ITSN1: variants seen among roughly 807,000 people sequenced by gnomAD.
The protein encoded by ITSN1 is intersectin 1.
Under a neutral mutation model 239.8 loss-of-function variants are expected in ITSN1, and 58 were observed. That is an observed-to-expected ratio of 0.24 (90% confidence interval 0.20 to 0.30). ITSN1 has a LOEUF of 0.30. Ranked by LOEUF, ITSN1 falls within the 10% of genes least tolerant of loss-of-function variation. The probability of loss-of-function intolerance (pLI) is 1.00; values close to 1 mark genes in which losing one functional copy is unlikely to be tolerated. For missense variants in ITSN1, 1,558 were observed against 2,103.3 expected (o/e 0.74, Z 5.07); for synonymous variants, 780 against 770.8 (o/e 1.01, Z -0.20).
chr21:33,647,578 C>T (rs1270028464), intron 1 of ITSN1, among the ~76,000 whole-genome samples: 1 of 152,122 alleles, frequency 6.6e-6, no homozygotes, highest in African/African-American at 2.4e-5. Context: ...TCACTGCAAC[C>T]TACGCTTCCC....
At chr21:33,794,733 G>A (rs964638333) in intron 17 of ITSN1, among the ~76,000 whole-genome samples, 3 of 152,156 alleles carry the variant, frequency 2.0e-5, no homozygotes, top group African/African-American at 2.4e-5. Context: ...TGGGACACTT[G>A]GTGTGCTCAT....
At chr21:33,845,169 G>A (rs549820803) in intron 29 of ITSN1, among the ~76,000 whole-genome samples, 2 of 152,180 alleles carry the variant, frequency 1.3e-5, no homozygotes, top group African/African-American at 4.8e-5. Flanking sequence ...AGTGAAGGAT[G>A]GGGTGGCACA....
rs1173862655 is a variant in ITSN1, at chr21:33,838,864, G to A, written c.3661+2232G>A. On this transcript the variant is annotated intron_variant, in intron 29 of 39. Transcript: ENST00000381318. ...ATTTGTCCAAAAGATGTATCGTAAT[G>A]TACTGGTGAACACCCCCAAAATTAT... is the stretch of plus-strand genomic sequence containing the variant. Among the ~76,000 whole-genome samples the A allele has an allele frequency of 2.6e-5, 4 of 152,188 alleles. No homozygotes were observed. The South Asian group carries it at 6.2e-4, about 24-fold the overall frequency.
intron 1 of ITSN1, among the ~76,000 whole-genome samples, chr21:33,685,644 T>A (rs2091203477): frequency 2.6e-5 from 4 of 151,986 alleles, no homozygotes; most frequent in Admixed American, 2.6e-4. Context: ...AAAAATTCTC[T>A]TTTTTTAGTA....
At chr21:33,674,744 C>CT (rs535233393) in intron 1 of ITSN1, among the ~76,000 whole-genome samples, 2 of 151,828 alleles carry the variant, frequency 1.3e-5, no homozygotes, top group South Asian at 2.1e-4. Flanking sequence ...TTTATTTTAC[C>CT]TTTTTTATTA....
At chr21:33,872,310 A>T (rs1982882201) in intron 33 of ITSN1, among the ~76,000 whole-genome samples, 1 of 152,242 alleles carries the variant, frequency 6.6e-6, no homozygotes, top group Non-Finnish European at 1.5e-5. Context: ...TGGAAGCAAC[A>T]TAAAGTTTTA....
intron 39 of ITSN1, 32 bp from the exon 40 acceptor site, chr21:33,888,120 C>T: frequency 7.5e-7 from 1 of 1,341,764 alleles, no homozygotes; most frequent in Non-Finnish European, 1.0e-6. Flanking sequence ...GGAATGGTCC[C>T]TCTTAGGAGG....
intron 5 of ITSN1, among the ~76,000 whole-genome samples, chr21:33,741,894 CAAAAAA>C (rs57036929): frequency 4.0e-4 from 30 of 74,142 alleles, no homozygotes; most frequent in Non-Finnish European, 3.5e-4. Flanking sequence ...GATTCCGTCT[CAAAAAA>C]AAAAAAAAAA....
chr21:33,708,896 CTTTG>C (rs1390434662), intron 1 of ITSN1, among the ~76,000 whole-genome samples: 5 of 152,180 alleles, frequency 3.3e-5, no homozygotes, highest in Admixed American at 1.3e-4. Flanking sequence ...AGTTGATCCA[CTTTG>C]TTTGTTGAAA....
intron 16 of ITSN1, among the ~76,000 whole-genome samples, chr21:33,788,921 C>A (rs1243498505): frequency 2.6e-5 from 4 of 152,116 alleles, no homozygotes; most frequent in Non-Finnish European, 4.4e-5. Context: ...CGCTGTACTC[C>A]AGCCTGGACA....
At chr21:33,753,438 AT>A (rs1238490035) in intron 7 of ITSN1, among the ~76,000 whole-genome samples, 1 of 152,044 alleles carries the variant, frequency 6.6e-6, no homozygotes, top group Non-Finnish European at 1.5e-5. Context: ...AGTTAAACCT[AT>A]ATCATCTTAC....
intron 22 of ITSN1, among the ~76,000 whole-genome samples, chr21:33,816,509 A>G (rs1475767702): frequency 3.3e-5 from 5 of 152,222 alleles, no homozygotes; most frequent in Admixed American, 3.3e-4. Context: ...TGCCAAAGCC[A>G]GAAAATTAGT....
intron 1 of ITSN1, among the ~76,000 whole-genome samples, chr21:33,697,717 A>T (rs762101375): frequency 1.3e-5 from 2 of 151,916 alleles, no homozygotes; most frequent in Non-Finnish European, 2.9e-5. Flanking sequence ...TTAGAGTTAT[A>T]TTTTTTTTCC....
chr21:33,814,200 T>C, intron 22 of ITSN1, 128 bp downstream of exon 22: 3 of 965,380 alleles, frequency 3.1e-6, no homozygotes, highest in Non-Finnish European at 4.4e-6. Flanking sequence ...GCTGGCAGTA[T>C]GGGAATCCAG....
intron 11 of ITSN1, among the ~76,000 whole-genome samples, chr21:33,768,522 C>T (rs1005430614): frequency 1.3e-5 from 2 of 152,132 alleles, no homozygotes; most frequent in South Asian, 4.1e-4. Flanking sequence ...CTCAAGTGAT[C>T]CACCTACCTC....
At chr21:33,833,906 A>T (rs895463406) in intron 27 of ITSN1, among the ~76,000 whole-genome samples, 161 of 150,310 alleles carry the variant, frequency 1.1e-3, no homozygotes, top group African/African-American at 3.7e-3. Context: ...CTCAGTGTGT[A>T]TTGGTGGCCA....
At chr21:33,647,894 A>G (rs2146079342) in intron 1 of ITSN1, among the ~76,000 whole-genome samples, 1 of 152,368 alleles carries the variant, frequency 6.6e-6, no homozygotes, top group African/African-American at 2.4e-5. Context: ...CTGTCCTTCT[A>G]CATATGTCTC....
intron 24 of ITSN1, among the ~76,000 whole-genome samples, chr21:33,823,081 G>T (rs1483506505): frequency 6.6e-6 from 1 of 152,246 alleles, no homozygotes; most frequent in Non-Finnish European, 1.5e-5. Flanking sequence ...CCAAGAGCCT[G>T]CATATGAATG....
chr21:33,867,632 C>A (rs1359189815), intron 33 of ITSN1, among the ~76,000 whole-genome samples: 13 of 91,646 alleles, frequency 1.4e-4, no homozygotes, highest in African/African-American at 5.6e-4. Context: ...GAGACCCTAT[C>A]TCTATTAAAA....
Sources: gnomAD v4.1 joint callset for allele counts (sites outside exome capture counted in the v4.1 genomes callset) on GRCh38, gnomAD v4.1.1 for gene constraint, MANE v1.5 for transcripts, NCBI Gene and HGNC (gene_info 2026-07-23, HGNC 2026-07-21) for gene names.